PRH1: variants seen among roughly 807,000 people sequenced by gnomAD.
PRH1 encodes the protein salivary acidic proline-rich phosphoprotein 1/2.
A neutral mutation model predicts 7.9 loss-of-function variants in PRH1; 7 were observed. The observed-to-expected ratio is 0.89, with a 90% CI of 0.50 to 1.67. PRH1 has a LOEUF of 1.67. Ranked by LOEUF, PRH1 falls within the 40% of genes most tolerant of loss-of-function variation. The probability of loss-of-function intolerance (pLI) is 0.00; values close to 1 mark genes in which losing one functional copy is unlikely to be tolerated. For synonymous variants in PRH1, 45 were observed against 80.8 expected, an observed-to-expected ratio of 0.56 and a Z score of 2.38; for missense variants, 109 against 223.6, an observed-to-expected ratio of 0.49 and a Z score of 3.27.
upstream of PRH1, chr12:11,171,558 A>G: frequency 9.7e-6 from 12 of 1,232,040 alleles, no homozygotes; most frequent in Non-Finnish European, 1.1e-5. Flanking sequence ...GCAGGTACAT[A>G]TTTAGAGCCA....
At chr12:11,063,554 A>C (rs2136187203) in intron 1 of PRH1, among the ~76,000 whole-genome samples, 1 of 152,248 alleles carries the variant, frequency 6.6e-6, no homozygotes, top group Admixed American at 6.6e-5. Context: ...CAGCTTAAAA[A>C]AAATGAAATC....
chr12:11,067,127 C>T (rs11523308), intron 1 of PRH1, among the ~76,000 whole-genome samples: 56 of 152,192 alleles, frequency 3.7e-4, no homozygotes, highest in African/African-American at 1.2e-3. Flanking sequence ...GTGAAAGTAG[C>T]ATTATATATG....
intron 2 of PRH1, among the ~76,000 whole-genome samples, chr12:10,902,172 A>G (rs878954145): frequency 2.0e-5 from 3 of 152,142 alleles, no homozygotes; most frequent in African/African-American, 7.2e-5. Flanking sequence ...AAAGAAATCA[A>G]TCAGAGCTTC....
At chr12:10,935,894 G>A (rs913950375) in intron 2 of PRH1, among the ~76,000 whole-genome samples, 3 of 152,098 alleles carry the variant, frequency 2.0e-5, no homozygotes, top group Non-Finnish European at 4.4e-5. Flanking sequence ...AACTTTCAAG[G>A]ATAGGAGCGC....
At chr12:10,971,571 G>C (rs1819404102) in intron 2 of PRH1, among the ~76,000 whole-genome samples, 1 of 152,052 alleles carries the variant, frequency 6.6e-6, no homozygotes, top group Non-Finnish European at 1.5e-5. Flanking sequence ...ATATTCATGT[G>C]TGTGTATACA....
intron 2 of PRH1, among the ~76,000 whole-genome samples, chr12:10,927,585 T>C (rs1565476352): frequency 6.6e-6 from 1 of 152,236 alleles, no homozygotes; most frequent in Non-Finnish European, 1.5e-5. Flanking sequence ...ATGAGAACAT[T>C]GTTGTCTGTA....
At chr12:11,111,726 C>A (rs1290618644) in intron 1 of PRH1, among the ~76,000 whole-genome samples, 2 of 152,138 alleles carry the variant, frequency 1.3e-5, no homozygotes, top group Admixed American at 1.3e-4. Context: ...GACACCCTAG[C>A]ATCACAATTA....
chr12:10,975,770 C>T (rs1276763620), intron 1 of PRH1, among the ~76,000 whole-genome samples: 1 of 149,014 alleles, frequency 6.7e-6, no homozygotes, highest in East Asian at 1.9e-4. Flanking sequence ...AACAGAGTTA[C>T]TATTCTAATT....
intron 1 of PRH1, among the ~76,000 whole-genome samples, chr12:11,152,043 TG>T: frequency 6.6e-6 from 1 of 152,100 alleles, no homozygotes; most frequent in South Asian, 2.1e-4. Context: ...AATAACTTAA[TG>T]TTTTTCTTTA....
intron 2 of PRH1, among the ~76,000 whole-genome samples, chr12:10,918,195 G>A (rs1219913574): frequency 6.6e-6 from 1 of 152,024 alleles, no homozygotes; most frequent in Non-Finnish European, 1.5e-5. Context: ...ACAGGGAGGG[G>A]AACAACACTT....
intron 2 of PRH1, among the ~76,000 whole-genome samples, chr12:10,890,813 G>A (rs1201931035): frequency 2.0e-5 from 3 of 151,564 alleles, no homozygotes; most frequent in Non-Finnish European, 1.5e-5. Context: ...AAAGAGGAGG[G>A]GATGGGAGGG....
At chr12:11,161,259 T>C (rs1306874726) in intron 1 of PRH1, among the ~76,000 whole-genome samples, 1 of 152,216 alleles carries the variant, frequency 6.6e-6, no homozygotes, top group Admixed American at 6.5e-5. Flanking sequence ...TCAGTACCAT[T>C]AAAAGAACAA....
Position 11,090,859 on chromosome 12 carries a change from T to C in PRH1, n.124-43671A>G, listed in dbSNP as rs1944857584. Among the ~76,000 whole-genome samples the C allele has an allele frequency of 1.8e-5, 2 of 113,232 alleles. 1 individual carries two copies. The highest frequency in any genetic ancestry group is 4.2e-5 in the Non-Finnish European group (2 of 48,140). 74.3% of individuals were successfully genotyped at this position (113,232 alleles called of 152,430 possible). A position where few individuals can be genotyped will look rare whatever the true frequency, so the allele number is the denominator to read the frequency against. On this transcript the variant is annotated intron_variant and non_coding_transcript_variant, in intron 1 of 4. Coordinates refer to the PRH1 transcript ENST00000541977. ...TGAATTCTAAGCACAATGTGGTATATTCCTGTGGTTCAAATAACAATAGAA... is the reference window on the plus strand; with the variant it reads ...TGAATTCTAAGCACAATGTGGTATACTCCTGTGGTTCAAATAACAATAGAA...
chr12:10,895,338 G>C (rs1425976826), intron 2 of PRH1: 1 of 152,180 alleles, frequency 6.6e-6, no homozygotes, highest in Non-Finnish European at 1.5e-5. Flanking sequence ...ATCTGAAGGA[G>C]AAACAGAGAA....
intron 1 of PRH1, among the ~76,000 whole-genome samples, chr12:11,011,373 A>G (rs991307786): frequency 2.0e-5 from 3 of 152,230 alleles, no homozygotes; most frequent in Non-Finnish European, 4.4e-5. Flanking sequence ...GGAGAACACA[A>G]TAATTCCCAA....
intron 2 of PRH1, chr12:10,932,476 T>A (rs562371078): frequency 1.0e-4 from 19 of 181,808 alleles, no homozygotes; most frequent in Non-Finnish European, 2.3e-4. Flanking sequence ...GGGAAGGAGT[T>A]CCACTGTTTC....
upstream of PRH1, chr12:11,047,280 T>A (rs1041616252): frequency 3.6e-6 from 1 of 277,932 alleles, no homozygotes; most frequent in Non-Finnish European, 7.6e-6. Flanking sequence ...TTAATACATT[T>A]CCTATCATCA....
chr12:11,164,144 G>A (rs1947501849), intron 1 of PRH1, among the ~76,000 whole-genome samples: 1 of 152,110 alleles, frequency 6.6e-6, no homozygotes, highest in East Asian at 1.9e-4. Flanking sequence ...ATTATTTCTG[G>A]GTGCCTCTGT....
At chr12:10,979,386 A>G (rs1257119396) in intron 1 of PRH1, among the ~76,000 whole-genome samples, 1 of 152,224 alleles carries the variant, frequency 6.6e-6, no homozygotes, top group Non-Finnish European at 1.5e-5. Flanking sequence ...AGAGCATTCC[A>G]AGAAGAAAGG....
Sources: gnomAD v4.1 joint callset for allele counts (sites outside exome capture counted in the v4.1 genomes callset) on GRCh38, gnomAD v4.1.1 for gene constraint, MANE v1.5 for transcripts, NCBI Gene and HGNC (gene_info 2026-07-23, HGNC 2026-07-21) for gene names.